MAPDA: variants seen among roughly 807,000 people sequenced by gnomAD.
MAPDA encodes the protein N6-Methyl-AMP deaminase.
chr15:43,335,152 T>C, the MAPDA span: 1 of 1,613,954 alleles, frequency 6.2e-7, no homozygotes, highest in African/African-American at 1.3e-5. Context: ...CAGACTTCTA[T>C]TCTGAATTGC....
the MAPDA span, chr15:43,348,813 C>A: frequency 7.5e-7 from 1 of 1,339,016 alleles, no homozygotes; most frequent in African/African-American, 1.5e-5. Flanking sequence ...GCATTAAGTA[C>A]TACTTAGAGG....
chr15:43,348,233 A>G, the MAPDA span, among the ~76,000 whole-genome samples: 1 of 152,254 alleles, frequency 6.6e-6, no homozygotes, highest in Non-Finnish European at 1.5e-5. Context: ...GTCAGAATCA[A>G]ACATGATGAG....
chr15:43,340,430 T>G, the MAPDA span: 1 of 1,185,144 alleles, frequency 8.4e-7, no homozygotes, highest in Non-Finnish European at 1.2e-6. Context: ...TGAGTGGGAA[T>G]ATGAAGCACT....
chr15:43,330,390 G>A, the MAPDA span: 3 of 1,585,252 alleles, frequency 1.9e-6, no homozygotes, highest in East Asian at 2.2e-5. Flanking sequence ...AAGGGGTCCT[G>A]CACGTACCCG....
the MAPDA span, among the ~76,000 whole-genome samples, chr15:43,343,412 G>T: frequency 1.3e-5 from 2 of 152,094 alleles, no homozygotes; most frequent in African/African-American, 2.4e-5. Flanking sequence ...TCCCTTACAC[G>T]TGGGCCTGCT....
At chr15:43,351,414 G>A in the MAPDA span, 2 of 329,926 alleles carry the variant, frequency 6.1e-6, no homozygotes, top group African/African-American at 4.3e-5. Context: ...AAAGGTACTT[G>A]AGAGGACTTA....
At chr15:43,352,530 CAAAAACAA>C in the MAPDA span, 2 of 151,928 alleles carry the variant, frequency 1.3e-5, no homozygotes, top group African/African-American at 2.4e-5. Flanking sequence ...CCTGTCTCTA[CAAAAACAA>C]AAAAACAAAA....
At chr15:43,346,809 A>T in the MAPDA span, among the ~76,000 whole-genome samples, 5 of 152,210 alleles carry the variant, frequency 3.3e-5, no homozygotes, top group Non-Finnish European at 7.3e-5. Context: ...ACTAGACAAG[A>T]TTCTCGAGGG....
the MAPDA span, chr15:43,335,861 T>C: frequency 6.3e-7 from 1 of 1,589,462 alleles, no homozygotes; most frequent in Non-Finnish European, 8.5e-7. Flanking sequence ...TACTCCTTTT[T>C]TTCTCTATCA....
chr15:43,340,296 A>G, the MAPDA span: 6 of 1,614,160 alleles, frequency 3.7e-6, no homozygotes, highest in Non-Finnish European at 5.1e-6. Flanking sequence ...GAATTTGCAG[A>G]TGACGGCGTC....
At chr15:43,340,221 TA>T in the MAPDA span, 5 of 1,560,412 alleles carry the variant, frequency 3.2e-6, no homozygotes, top group Non-Finnish European at 4.4e-6. Flanking sequence ...TTGGGACCCT[TA>T]CCCAAACATT....
chr15:43,346,017 A>G, the MAPDA span: 1 of 1,611,382 alleles, frequency 6.2e-7, no homozygotes, highest in Non-Finnish European at 8.5e-7. Flanking sequence ...TAATTCTAAA[A>G]GGTAGAATCA....
chr15:43,345,341 TGA>T, the MAPDA span, among the ~76,000 whole-genome samples: 111 of 128,848 alleles, frequency 8.6e-4, no homozygotes, highest in Middle Eastern at 0.013. Context: ...GGCGACAGAG[TGA>T]GATTCCATCT....
chr15:43,341,654 C>T, the MAPDA span, among the ~76,000 whole-genome samples: 15 of 116,042 alleles, frequency 1.3e-4, no homozygotes, highest in South Asian at 2.6e-4. Flanking sequence ...GCCTGGGCAG[C>T]ATCATAAGAC....
chr15:43,331,922 C>A, the MAPDA span: 1 of 152,084 alleles, frequency 6.6e-6, no homozygotes, highest in Non-Finnish European at 1.5e-5. Flanking sequence ...ACTGCACATG[C>A]GTGTTGGTCC....
chr15:43,342,915 G>A, the MAPDA span: 2 of 1,047,210 alleles, frequency 1.9e-6, no homozygotes, highest in East Asian at 2.7e-5. Flanking sequence ...AAATGTAATT[G>A]TTCATATAGG....
At chr15:43,334,264 C>T in the MAPDA span, among the ~76,000 whole-genome samples, 1 of 152,120 alleles carries the variant, frequency 6.6e-6, no homozygotes, top group Non-Finnish European at 1.5e-5. Context: ...GGTAAAAGGA[C>T]AAACCTAGGT....
chr15:43,330,594 C>G, the MAPDA span: 1 of 1,299,360 alleles, frequency 7.7e-7, no homozygotes, highest in Non-Finnish European at 1.0e-6. Flanking sequence ...CACCCATGCT[C>G]CTGGACTTCC....
At chr15:43,346,076 G>A in the MAPDA span, 96 of 1,507,516 alleles carry the variant, frequency 6.4e-5, 1 homozygote, top group Non-Finnish European at 8.5e-5. Flanking sequence ...TCTCCAGAGT[G>A]TCCAACAGAC....
Sources: allele counts gnomAD v4.1 joint callset (sites outside exome capture counted in the v4.1 genomes callset), GRCh38; gene constraint gnomAD v4.1.1; transcripts MANE v1.5; gene names NCBI Gene and HGNC (gene_info 2026-07-23, HGNC 2026-07-21).